The following ARFGEF1 variants were observed in gnomAD, a reference collection of about 807,000 sequenced individuals.
The protein encoded by ARFGEF1 is brefeldin A-inhibited guanine nucleotide-exchange protein 1.
In ARFGEF1, 42 loss-of-function variants were observed where a neutral mutation model predicts 231.0. The observed-to-expected ratio is 0.18, with a 90% CI of 0.14 to 0.24. The LOEUF is 0.24. ARFGEF1 is among the 10% of genes least tolerant of loss of function. The pLI, the probability that ARFGEF1 is intolerant of heterozygous loss-of-function variation, is 1.00. For missense variants in ARFGEF1, 1,345 were observed against 2,192.0 expected (o/e 0.61, Z 7.72); for synonymous variants, 710 against 732.3 (o/e 0.97, Z 0.49).
chr8:67,214,743 A>G lies in ARFGEF1; in HGVS notation c.4686+1847T>C, dbSNP rs555604313. On this transcript the variant is annotated intron_variant, in intron 33 of 38. Transcript: ENST00000262215. ...CTCTTAACACATACAGAAGACCCAC[A>G]AGGATTTTGAGAATGATATACCAGC... Among the ~76,000 whole-genome samples, 5 of 152,292 alleles carry G rather than the reference A, an allele frequency of 3.3e-5. No individual in the cohort carries two copies. The South Asian group carries it at 1.0e-3, about 32-fold the overall frequency.
Position 67,266,110 on chromosome 8 carries a change from T to C in ARFGEF1, c.2019A>G (p.Ser673=). The C allele has an allele frequency of 6.2e-7, 1 of 1,613,942 alleles. No individual in the cohort carries two copies. The highest frequency in any genetic ancestry group is 8.5e-7 in the Non-Finnish European group (1 of 1,179,868). The part of the protein sequence containing the change: ...GSLNSLESTS[S]SGIGSYSTQM... ...GTGTACTGTAGCTGCCTATTCCTGA[T>C]GATGATGTTGACTCCAGGGAATTTA... Residue 673 remains serine (S), a synonymous_variant, in exon 14 of 39, where the codon TCA becomes TCG. Coordinates refer to ENST00000262215, the MANE Select transcript of ARFGEF1 (RefSeq NM_006421.5).
rs1054385636 is a variant in ARFGEF1, at chr8:67,209,761, C to T, written c.4819+1722G>A. Among the ~76,000 whole-genome samples, 4 of 152,054 alleles carry T rather than the reference C, an allele frequency of 2.6e-5. No homozygotes were observed. In the South Asian group the frequency reaches 8.3e-4, roughly 32 times the overall value. The stretch of plus-strand genomic sequence containing the variant: ...GAGGAATACAGGTGACCTGTGGATC[C>T]CTGTATGGAGACAGGGGTGTGGGCA... On this transcript the variant is annotated intron_variant, in intron 34 of 38. Transcript: ENST00000262215.
intron 35 of ARFGEF1, among the ~76,000 whole-genome samples, chr8:67,204,094 C>A (rs989945541): frequency 1.2e-4 from 18 of 152,218 alleles, no homozygotes; most frequent in Non-Finnish European, 5.9e-5. Context: ...AAACCCCTCT[C>A]TTGAACCCCT....
chr8:67,202,292 C>T (rs1203503829), intron 36 of ARFGEF1, among the ~76,000 whole-genome samples: 1 of 151,946 alleles, frequency 6.6e-6, no homozygotes, highest in Non-Finnish European at 1.5e-5. Context: ...TGGGGTCTCA[C>T]TGTGTTGCCC....
chr8:67,319,587 CA>C (rs1384398165), intron 1 of ARFGEF1, among the ~76,000 whole-genome samples: 1 of 148,778 alleles, frequency 6.7e-6, no homozygotes, highest in African/African-American at 2.5e-5. Context: ...AATGTTAGAA[CA>C]AAAAACTATC....
At chr8:67,312,440 G>GAT (rs1807117077) in intron 1 of ARFGEF1, among the ~76,000 whole-genome samples, 1 of 151,926 alleles carries the variant, frequency 6.6e-6, no homozygotes, top group African/African-American at 2.4e-5. Context: ...TGAAAGAAAA[G>GAT]ATCTGTCACC....
intron 23 of ARFGEF1, among the ~76,000 whole-genome samples, chr8:67,231,559 G>A (rs1260880813): frequency 6.6e-6 from 1 of 152,020 alleles, no homozygotes. Context: ...GAAACAGTAG[G>A]TAAAATGTTA....
intron 19 of ARFGEF1, among the ~76,000 whole-genome samples, chr8:67,241,147 T>C (rs1839914657): frequency 6.6e-6 from 1 of 152,148 alleles, no homozygotes; most frequent in Admixed American, 6.5e-5. Context: ...AGGAAAACAA[T>C]TACCCAGAGC....
intron 7 of ARFGEF1, among the ~76,000 whole-genome samples, chr8:67,285,401 C>G (rs1373769911): frequency 6.6e-6 from 1 of 152,102 alleles, no homozygotes; most frequent in African/African-American, 2.4e-5. Context: ...ACTGTAGACT[C>G]AGATACTCAG....
At chr8:67,291,665 A>G (rs1392379923) in intron 6 of ARFGEF1, among the ~76,000 whole-genome samples, 182 bp downstream of exon 6, 2 of 152,188 alleles carry the variant, frequency 1.3e-5, no homozygotes, top group African/African-American at 4.8e-5. Flanking sequence ...TCATTCATAG[A>G]TATCTTGTAG....
At chr8:67,331,316 CAGTGT>C (rs1808087665) in intron 1 of ARFGEF1, among the ~76,000 whole-genome samples, 1 of 152,078 alleles carries the variant, frequency 6.6e-6, no homozygotes, top group Non-Finnish European at 1.5e-5. Context: ...ACCTGATTCC[CAGTGT>C]GATGGAATTA....
intron 7 of ARFGEF1, among the ~76,000 whole-genome samples, chr8:67,287,582 C>T (rs1426519376): frequency 6.6e-6 from 1 of 152,190 alleles, no homozygotes; most frequent in Non-Finnish European, 1.5e-5. Flanking sequence ...TCCTTACCTA[C>T]TTAATCAGTT....
intron 5 of ARFGEF1, among the ~76,000 whole-genome samples, chr8:67,191,793 T>C (rs758882925): frequency 1.3e-5 from 2 of 152,250 alleles, no homozygotes; most frequent in South Asian, 2.1e-4. Context: ...TTGGGTTATA[T>C]GGACACTTTG....
chr8:67,189,142 A>G (rs1280712827), intron 5 of ARFGEF1, among the ~76,000 whole-genome samples: 1 of 152,236 alleles, frequency 6.6e-6, no homozygotes, highest in African/African-American at 2.4e-5. Context: ...TTATGGAGCA[A>G]TAGGAACTCT....
intron 19 of ARFGEF1, among the ~76,000 whole-genome samples, chr8:67,240,872 C>A (rs1341859588): frequency 5.3e-5 from 8 of 152,234 alleles, no homozygotes; most frequent in South Asian, 4.1e-4. Context: ...CAAATACTTA[C>A]TGAAATTTTA....
chr8:67,265,084 T>C (rs942864511), intron 14 of ARFGEF1, among the ~76,000 whole-genome samples: 2 of 152,206 alleles, frequency 1.3e-5, no homozygotes, highest in Non-Finnish European at 2.9e-5. Context: ...TCTTGCATAA[T>C]ATCTGGAAAG....
intron 34 of ARFGEF1, among the ~76,000 whole-genome samples, chr8:67,206,206 T>A (rs140562327): frequency 0.015 from 2,309 of 152,174 alleles, 63 homozygotes; most frequent in African/African-American, 0.053. Flanking sequence ...GGTCAGGAGT[T>A]CGAGACCAGG....
intron 1 of ARFGEF1, among the ~76,000 whole-genome samples, chr8:67,339,790 TGGGGC>T (rs1808522960): frequency 2.4e-3 from 1 of 422 alleles, no homozygotes; most frequent in Non-Finnish European, 7.7e-3. Context: ...TGTAACAGTG[TGGGGC>T]GGGGGGGGGG....
Position 67,201,522 on chromosome 8 carries a change from A to G in ARFGEF1, c.5212T>C (p.Tyr1738His). ...ACGLRILFRMYMDESRVSAWE... is the reference protein window; with the variant it reads ...ACGLRILFRMHMDESRVSAWE... ...GCACTAACGCGGCTCTCATCCATGT[A>G]CATCCGGAAGAGAATGCGCAGCCCA... Residue 1738 changes from tyrosine (Y) to histidine (H), a missense_variant, in exon 37 of 39, where the codon TAC (tyrosine) becomes CAC (histidine). Physicochemically the swap from Tyr to His is moderately conservative, Grantham distance 83 (BLOSUM62 2). Transcript: ENST00000262215. 6.2e-7 allele frequency: 1 copy of G among 1,613,406 alleles called. No homozygotes were observed. Among genetic ancestry groups the G allele is most frequent in the Non-Finnish European group, 8.5e-7 (1 of 1,179,756 alleles).
Sources: gnomAD v4.1 joint callset for allele counts (sites outside exome capture counted in the v4.1 genomes callset) on GRCh38, gnomAD v4.1.1 for gene constraint, MANE v1.5 for transcripts, NCBI Gene and HGNC (gene_info 2026-07-23, HGNC 2026-07-21) for gene names.